The following GLG1 variants were observed in gnomAD, a reference collection of about 807,000 sequenced individuals.
The protein encoded by GLG1 is Golgi apparatus protein 1.
A neutral mutation model predicts 160.5 loss-of-function variants in GLG1; 38 were observed. The ratio of observed to expected loss-of-function variants is 0.24; its 90% CI spans 0.18 to 0.31. The LOEUF (loss-of-function observed/expected upper bound fraction) is 0.31. Among genes scored for constraint, GLG1 ranks in the 10% least tolerant of loss-of-function variants. The pLI is 1.00. For synonymous variants in GLG1, 644 were observed against 543.4 expected (o/e 1.19, Z -2.57); for missense variants, 1,373 against 1,505.2 (o/e 0.91, Z 1.45).
chr16:74,503,272 C>G (rs544598028), intron 4 of GLG1, among the ~76,000 whole-genome samples: 1 of 152,090 alleles, frequency 6.6e-6, no homozygotes, highest in Non-Finnish European at 1.5e-5. Context: ...TAACCAGCAG[C>G]TGGTCTAATA....
chr16:74,557,644 G>A (rs2018388902), intron 1 of GLG1, among the ~76,000 whole-genome samples: 1 of 152,202 alleles, frequency 6.6e-6, no homozygotes, highest in South Asian at 2.1e-4. Flanking sequence ...AAGCAAAGGA[G>A]GCTAAAGAAC....
chr16:74,528,189 C>T (rs1266484299), intron 2 of GLG1, among the ~76,000 whole-genome samples: 5 of 151,802 alleles, frequency 3.3e-5, no homozygotes, highest in Admixed American at 6.6e-5. Context: ...TTAATAGAGA[C>T]AGGATTTCAC....
At chr16:74,484,665 C>A (rs1008993050) in intron 9 of GLG1, among the ~76,000 whole-genome samples, 1 of 152,038 alleles carries the variant, frequency 6.6e-6, no homozygotes, top group African/African-American at 2.4e-5. Context: ...GGAGGCTGAG[C>A]CAGGAGAACT....
intron 2 of GLG1, among the ~76,000 whole-genome samples, chr16:74,523,385 T>C (rs933883325): frequency 6.6e-6 from 1 of 152,152 alleles, no homozygotes; most frequent in Non-Finnish European, 1.5e-5. Context: ...CACCAGGTAG[T>C]ACAGTCTCTC....
rs144198850 is a variant in GLG1, at chr16:74,462,115, G to C, written c.3015C>G (p.Leu1005=). Reference sequence around the variant, plus strand: ...CCACCTCGTCTGAGCAGTGCAGCTGGAGCTGAGGATCCAGGCGGTAGTCCA... The same window carrying C: ...CCACCTCGTCTGAGCAGTGCAGCTGCAGCTGAGGATCCAGGCGGTAGTCCA... ...SALDYRLDPQ[L]QLHCSDEISS... Residue 1005 remains leucine (L), a synonymous_variant, in exon 22 of 26, where the codon CTC becomes CTG. Coordinates refer to ENST00000422840, the MANE Select transcript of GLG1 (RefSeq NM_001145667.2). The C allele has an allele frequency of 1.7e-4, 269 of 1,597,842 alleles. No homozygotes were observed. Among genetic ancestry groups the C allele is most frequent in the Non-Finnish European group, 2.2e-4 (262 of 1,165,282 alleles).
chr16:74,477,108 A>G (rs2015411904), intron 12 of GLG1, among the ~76,000 whole-genome samples: 1 of 152,258 alleles, frequency 6.6e-6, no homozygotes, highest in Non-Finnish European at 1.5e-5. Context: ...GAGGCAGGCC[A>G]TACCATTGGC....
chr16:74,454,693 A>T (rs1679985940), intron 25 of GLG1, among the ~76,000 whole-genome samples: 1 of 146,756 alleles, frequency 6.8e-6, no homozygotes, highest in Non-Finnish European at 1.5e-5. Flanking sequence ...AAAAAAAAAA[A>T]AAAAAAATTT....
At chr16:74,482,345 C>A (rs1325096325) in intron 10 of GLG1, among the ~76,000 whole-genome samples, 1 of 152,124 alleles carries the variant, frequency 6.6e-6, no homozygotes, top group East Asian at 1.9e-4. Context: ...GGTGGCTTAA[C>A]AACCGAATGG....
At position 74,477,463 on chromosome 16, in the gene GLG1, G is replaced by A; in HGVS notation, c.1898C>T (p.Pro633Leu). 6.2e-7 allele frequency: 1 copy of A among 1,611,932 alleles called. No homozygotes were observed. Among genetic ancestry groups the A allele is most frequent in the Non-Finnish European group, 8.5e-7 (1 of 1,177,962 alleles). Residue 633 changes from proline to leucine, a missense_variant, in exon 12 of 26, where the codon CCT becomes CTT. Physicochemically the swap from Pro to Leu is moderately conservative, Grantham distance 98. Around this residue, in one of 4 missense-constraint regions of GLG1, gnomAD observed 386 missense variants for 388.5 expected, o/e 0.99. Transcript: ENST00000422840. Reference protein sequence around the residue: ...HQRAMDVKLDPALQDKCLIDL... With the variant: ...HQRAMDVKLDLALQDKCLIDL... ...AATCAGGCACTTATCCTGGAGGGCA[G>A]GATCCAGCTTGACATCCATGGCACG...
chr16:74,478,332 T>C (rs964376962), intron 11 of GLG1, among the ~76,000 whole-genome samples: 2 of 152,054 alleles, frequency 1.3e-5, no homozygotes, highest in Non-Finnish European at 2.9e-5. Context: ...CATTATGAGA[T>C]AGGACTGGAC....
intron 1 of GLG1, among the ~76,000 whole-genome samples, chr16:74,587,276 C>G (rs1958076083): frequency 6.6e-6 from 1 of 152,110 alleles, no homozygotes; most frequent in Non-Finnish European, 1.5e-5. Context: ...CCGGCTGCAA[C>G]ACAGGGAGAG....
intron 1 of GLG1, among the ~76,000 whole-genome samples, chr16:74,588,328 T>G (rs964672235): frequency 6.6e-6 from 1 of 152,174 alleles, no homozygotes. Context: ...TATGTAAATG[T>G]GAAAAATAAC....
chr16:74,590,355 C>T (rs1444725977), intron 1 of GLG1, among the ~76,000 whole-genome samples: 2 of 152,050 alleles, frequency 1.3e-5, no homozygotes, highest in East Asian at 2.0e-4. Flanking sequence ...CCATGGCTCA[C>T]GCCTGTAATC....
At position 74,536,046 on chromosome 16, in the gene GLG1, T is replaced by TAATA. The variant is rs1020044376; in HGVS notation, c.439-3897_439-3894dup. 4.6e-5 allele frequency among the ~76,000 whole-genome samples: 7 copies of TAATA among 152,102 alleles called. No homozygotes were observed. In the South Asian group the frequency reaches 1.5e-3, roughly 32 times the overall value. ...ATGAACTCGAGAAAGTAAATAAAAA[T>TAATA]AATAAATAAATAAAAAGAAAACACT... is the stretch of plus-strand genomic sequence containing the variant. On this transcript the variant is annotated intron_variant, in intron 1 of 25. Transcript: ENST00000422840.
intron 2 of GLG1, 72 bp from the exon 3 acceptor site, chr16:74,508,997 TA>T (rs1888050958): frequency 1.4e-6 from 1 of 704,976 alleles, no homozygotes; most frequent in Non-Finnish European, 2.5e-6. Flanking sequence ...TTATCAACGT[TA>T]AATGACAAAA....
At chr16:74,487,373 C>T (rs1329101618) in intron 8 of GLG1, among the ~76,000 whole-genome samples, 3 of 151,732 alleles carry the variant, frequency 2.0e-5, no homozygotes, top group Non-Finnish European at 4.4e-5. Flanking sequence ...CACTGGAGCA[C>T]CTGTGGGATC....
At chr16:74,462,462 T>A in intron 21 of GLG1, 26 bp downstream of exon 21, 2 of 1,604,272 alleles carry the variant, frequency 1.2e-6, no homozygotes, top group Non-Finnish European at 1.7e-6. Context: ...TAAATACACC[T>A]TTGTGGAGAG....
intron 3 of GLG1, among the ~76,000 whole-genome samples, chr16:74,505,614 G>T (rs1278339231): frequency 1.3e-5 from 2 of 152,268 alleles, no homozygotes; most frequent in South Asian, 4.1e-4. Flanking sequence ...TAGCACTTTG[G>T]GAGGCTGAGG....
chr16:74,537,889 T>G (rs1201735667), intron 1 of GLG1, among the ~76,000 whole-genome samples: 6 of 151,920 alleles, frequency 3.9e-5, no homozygotes, highest in African/African-American at 1.5e-4. Flanking sequence ...CGCATTCACT[T>G]AGGAGGAAGG....
Sources: gnomAD v4.1 joint callset for allele counts (sites outside exome capture counted in the v4.1 genomes callset) on GRCh38, gnomAD v4.1.1 for gene constraint, gnomAD v4.1.1 regional missense constraint, MANE v1.5 for transcripts, NCBI Gene and HGNC (gene_info 2026-07-23, HGNC 2026-07-21) for gene names.